The following LAMA1 variants were observed in gnomAD, a reference collection of about 807,000 sequenced individuals.
The protein encoded by LAMA1 is laminin subunit alpha-1.
LAMA1 carries 219 observed loss-of-function variants against 348.7 expected under a neutral mutation model. That is an observed-to-expected ratio of 0.63 (90% CI 0.56 to 0.70). LAMA1 has a LOEUF of 0.70. LAMA1 is among the 30% of genes least tolerant of loss of function. The pLI is 0.00. For synonymous variants in LAMA1, 1,487 were observed against 1,491.0 expected (o/e 1.00, Z 0.06); for missense variants, 3,744 against 3,888.0 (o/e 0.96, Z 0.99).
Position 6,956,446 on chromosome 18 carries a change from G to A in LAMA1, c.8094+190C>T, listed in dbSNP as rs113899008. 6.9e-5 allele frequency: 59 copies of A among 851,922 alleles called. 1 individual carries two copies. Among genetic ancestry groups the A allele is most frequent in the South Asian group, 3.1e-4 (23 of 73,044 alleles). The allele number at this position is 851,922 out of a possible 1,614,324, so 52.8% of individuals were successfully genotyped here. A position where few individuals can be genotyped will look rare whatever the true frequency, so the allele number is the denominator to read the frequency against. On this transcript the variant is annotated intron_variant, in intron 56 of 62. Coordinates refer to ENST00000389658, the MANE Select transcript of LAMA1 (RefSeq NM_005559.4). ...GGGCCTACAATCTATGGATTGGGCCGTGTCATCTGAGTTGCTTGAGGCACC... is the reference window on the plus strand; with the variant it reads ...GGGCCTACAATCTATGGATTGGGCCATGTCATCTGAGTTGCTTGAGGCACC...
At chr18:7,098,469 G>A (rs913945351) in intron 1 of LAMA1, among the ~76,000 whole-genome samples, 62 of 145,836 alleles carry the variant, frequency 4.3e-4, no homozygotes, top group Non-Finnish European at 7.0e-4. Flanking sequence ...GCCGCCCATC[G>A]TCTAAGATGT....
rs184059145 is a variant in LAMA1, at chr18:7,101,184, C to T, written c.61+16476G>A. Among the ~76,000 whole-genome samples the T allele has an allele frequency of 2.6e-3, 392 of 152,252 alleles. 2 individuals are homozygous for T. Among genetic ancestry groups the T allele is most frequent in the African/African-American group, 8.9e-3 (371 of 41,546 alleles). ...CATACCAGACTGTGATTGTATAGCA[C>T]TCTAAATTTACTAAAAAACATTAAA... On this transcript the variant is annotated intron_variant, in intron 1 of 62. Transcript: ENST00000389658.
intron 18 of LAMA1, 41 bp from the exon 19 acceptor site, chr18:7,023,416 AC>A: frequency 1.3e-6 from 2 of 1,541,514 alleles, no homozygotes; most frequent in Non-Finnish European, 1.8e-6. Context: ...AAATGCAGTT[AC>A]TTAAGGCCTT....
intron 1 of LAMA1, among the ~76,000 whole-genome samples, chr18:7,117,457 G>A (rs909065651): frequency 6.6e-6 from 1 of 152,148 alleles, no homozygotes; most frequent in African/African-American, 2.4e-5. Context: ...TGCAAAGAGC[G>A]GGCAGCGTCC....
chr18:6,958,199 G>A (rs892680980), intron 55 of LAMA1, among the ~76,000 whole-genome samples: 6 of 152,136 alleles, frequency 3.9e-5, no homozygotes. Context: ...TCAAATGCAT[G>A]TCAAAAATAT....
At position 6,973,183 on chromosome 18, in the gene LAMA1, A is replaced by G. The variant is rs377764172; in HGVS notation, c.6648T>C (p.Ser2216=). 2.4e-5 allele frequency: 39 copies of G among 1,613,988 alleles called. 1 individual carries two copies. The highest frequency in any genetic ancestry group is 3.0e-5 in the Non-Finnish European group (35 of 1,180,010). The change falls in exon 47 of 63, where the codon AGT becomes AGC. Residue 2216 remains serine, a synonymous_variant. Transcript: ENST00000389658. ...VARFGNIGSL[S]VKEMSSNQKS... is the part of the protein sequence containing the mutation. ...TTTGATTTGAGCTCATTTCCTTTAC[A>G]CTCAGTGAACCAATGTTTCCAAATC...
At chr18:6,986,417 GA>G (rs2057735819) in intron 36 of LAMA1, 70 bp from the exon 37 acceptor site, 4 of 1,463,494 alleles carry the variant, frequency 2.7e-6, no homozygotes, top group South Asian at 2.3e-5. Flanking sequence ...AATAATAGTG[GA>G]AAAAATTTTT....
At chr18:6,997,429 G>A (rs907236944) in intron 33 of LAMA1, among the ~76,000 whole-genome samples, 15 of 152,334 alleles carry the variant, frequency 9.8e-5, no homozygotes, top group Non-Finnish European at 2.2e-4. Flanking sequence ...TCTTACAGAA[G>A]AGCAAGTGGA....
At chr18:7,050,587 A>T in intron 4 of LAMA1, 107 bp downstream of exon 4, 3 of 1,488,506 alleles carry the variant, frequency 2.0e-6, no homozygotes, top group Non-Finnish European at 2.8e-6. Flanking sequence ...AAATAGAGCT[A>T]GATAGTTATA....
intron 1 of LAMA1, among the ~76,000 whole-genome samples, chr18:7,080,670 G>T (rs1485466655): frequency 6.6e-6 from 1 of 152,186 alleles, no homozygotes; most frequent in Non-Finnish European, 1.5e-5. Flanking sequence ...TCAAACCATT[G>T]TTGCAGGGGG....
In LAMA1 at chr18:6,956,727, A is replaced by T; in HGVS notation, c.8003T>A (p.Val2668Asp). ...DFNSAVGHEQ[V>D]DLDTCWLSER... Reference sequence around the variant, plus strand: ...TGACAGCCAGCAGGTGTCCAGGTCGACTTGCTCATGGCCAACTGCACTGTT... The same window carrying T: ...TGACAGCCAGCAGGTGTCCAGGTCGTCTTGCTCATGGCCAACTGCACTGTT... The change falls in exon 56 of 63, where the codon GTC (valine) becomes GAC (aspartate). Residue 2668 changes from valine to aspartate, a missense_variant. Val to Asp is a radical substitution (Grantham distance 152). Transcript: ENST00000389658. 1.2e-6 allele frequency: 2 copies of T among 1,614,222 alleles called. No individual in the cohort carries two copies. The highest frequency in any genetic ancestry group is 1.7e-6 in the Non-Finnish European group (2 of 1,180,044).
At chr18:7,018,943 T>C (rs948267164) in intron 19 of LAMA1, among the ~76,000 whole-genome samples, 4 of 152,034 alleles carry the variant, frequency 2.6e-5, no homozygotes, top group East Asian at 3.9e-4. Flanking sequence ...GTGGGGGCCT[T>C]AATGCTGCAG....
intron 36 of LAMA1, among the ~76,000 whole-genome samples, chr18:6,989,758 G>A (rs2057750672): frequency 6.6e-6 from 1 of 152,162 alleles, no homozygotes; most frequent in African/African-American, 2.4e-5. Context: ...TCTCCAACCA[G>A]GTCTTCCCAG....
Position 6,956,700 on chromosome 18 carries a change from T to A in LAMA1, c.8030A>T (p.Glu2677Val). The change falls in exon 56 of 63, where the codon GAA (glutamate) becomes GTA (valine). Residue 2677 changes from glutamate to valine, a missense_variant. Physicochemically the swap from Glu to Val is moderately radical, Grantham distance 121. This residue lies in a region of LAMA1 where 1,983 missense variants were observed against 1,934.3 expected (regional missense o/e 1.03). Coordinates refer to ENST00000389658, the MANE Select transcript of LAMA1 (RefSeq NM_005559.4). Reference sequence around the variant, plus strand: ...TGCATCGGGAGCCAGCTTAGGCCTTTCTGACAGCCAGCAGGTGTCCAGGTC... The same window carrying A: ...TGCATCGGGAGCCAGCTTAGGCCTTACTGACAGCCAGCAGGTGTCCAGGTC... ...QVDLDTCWLS[E>V]RPKLAPDAED... is the part of the protein sequence containing the mutation. 1 of 1,614,220 alleles carries A rather than the reference T, an allele frequency of 6.2e-7. No homozygotes were observed. Among genetic ancestry groups the A allele is most frequent in the Non-Finnish European group, 8.5e-7 (1 of 1,180,038 alleles).
chr18:7,117,591 T>A (rs2058362994), intron 1 of LAMA1, 69 bp downstream of exon 1: 1 of 1,524,134 alleles, frequency 6.6e-7, no homozygotes, highest in Admixed American at 1.8e-5. Context: ...CGCGACGGGC[T>A]TTGTCCGCGG....
intron 56 of LAMA1, 179 bp downstream of exon 56, chr18:6,956,457 G>T: frequency 1.0e-6 from 1 of 972,658 alleles, no homozygotes; most frequent in Non-Finnish European, 1.6e-6. Context: ...TGTCATCTGA[G>T]TTGCTTGAGG....
chr18:7,032,959 A>G, intron 15 of LAMA1, 25 bp downstream of exon 15: 1 of 1,543,518 alleles, frequency 6.5e-7, no homozygotes, highest in Non-Finnish European at 8.9e-7. Flanking sequence ...ACGAAAGGAA[A>G]AAGACAGGAA....
chr18:7,085,413 C>CTTTTT (rs36122063), intron 1 of LAMA1, among the ~76,000 whole-genome samples: 90 of 85,252 alleles, frequency 1.1e-3, no homozygotes, highest in Non-Finnish European at 1.4e-3. Flanking sequence ...TCTTCTTCTT[C>CTTTTT]TTTTTTTTTT....
chr18:7,104,008 TCTCA>T (rs2058301891), intron 1 of LAMA1, among the ~76,000 whole-genome samples: 1 of 151,898 alleles, frequency 6.6e-6, no homozygotes, highest in African/African-American at 2.4e-5. Context: ...TGAGATGGAG[TCTCA>T]CTCTGTTGCC....
Sources: gnomAD v4.1 joint callset for allele counts (sites outside exome capture counted in the v4.1 genomes callset) on GRCh38, gnomAD v4.1.1 for gene constraint, gnomAD v4.1.1 regional missense constraint, MANE v1.5 for transcripts, NCBI Gene and HGNC (gene_info 2026-07-23, HGNC 2026-07-21) for gene names.